Variants in NECTIN1 observed in about 807,000 individuals in gnomAD.
The protein encoded by NECTIN1 is nectin cell adhesion molecule 1, also known as nectin-1.
NECTIN1 carries 23 observed loss-of-function variants against 48.0 expected under a neutral mutation model. That is an observed-to-expected ratio of 0.48 (90% CI 0.34 to 0.68). NECTIN1 has a LOEUF of 0.68. Among genes scored for constraint, NECTIN1 ranks in the 30% least tolerant of loss-of-function variants. NECTIN1 has a pLI of 0.01. For missense variants in NECTIN1, 591 were observed against 709.9 expected (o/e 0.83, Z 1.90); for synonymous variants, 270 against 288.9 (o/e 0.93, Z 0.66).
chr11:119,658,290 C>T (rs1864608719), downstream of NECTIN1, among the ~76,000 whole-genome samples: 2 of 152,128 alleles, frequency 1.3e-5, no homozygotes, highest in African/African-American at 4.8e-5. Context: ...ACTGCAGCGC[C>T]TCATCTGGGA....
intron 5 of NECTIN1, among the ~76,000 whole-genome samples, chr11:119,666,674 C>A (rs1380843879): frequency 6.6e-6 from 1 of 152,250 alleles, no homozygotes; most frequent in Non-Finnish European, 1.5e-5. Flanking sequence ...GCTCCAGGCC[C>A]ACGTAAAGGG....
chr11:119,664,594 G>T lies in NECTIN1; in HGVS notation c.*153C>A. 1 of 1,440,700 alleles carries T rather than the reference G, an allele frequency of 6.9e-7. No individual in the cohort carries two copies. Among genetic ancestry groups the T allele is most frequent in the African/African-American group, 1.4e-5 (1 of 69,616 alleles). The allele number at this position is 1,440,700 out of a possible 1,614,324, so 89.2% of individuals were successfully genotyped here. A position where few individuals can be genotyped will look rare whatever the true frequency, so the allele number is the denominator to read the frequency against. On this transcript the variant is annotated 3_prime_UTR_variant, in exon 6 of 6. Coordinates refer to ENST00000264025, the MANE Select transcript of NECTIN1 (RefSeq NM_002855.5). Reference sequence around the variant, plus strand: ...CACAAAGCCAAGTCGTGGCTGCCCTGGGCTCCCCTGGCCCCCCAGGAGTTC... The same window carrying T: ...CACAAAGCCAAGTCGTGGCTGCCCTTGGCTCCCCTGGCCCCCCAGGAGTTC...
At position 119,728,604 on chromosome 11, in the gene NECTIN1, CA is replaced by C; in HGVS notation, c.-52del. On this transcript the variant is annotated 5_prime_UTR_variant, in exon 1 of 6. Coordinates refer to ENST00000264025, the MANE Select transcript of NECTIN1 (RefSeq NM_002855.5). ...GGCGGCGAGGGCAGCGCTCCTCGCG[CA>C]GCAGAAACCAGCCCGGAAGATGAGG... is the stretch of plus-strand genomic sequence containing the variant. 8.0e-7 allele frequency: 1 copy of C among 1,248,556 alleles called. No individual in the cohort carries two copies. Among genetic ancestry groups the C allele is most frequent in the Non-Finnish European group, 1.1e-6 (1 of 902,656 alleles). 77.3% of individuals were successfully genotyped at this position (1,248,556 alleles called of 1,614,324 possible).
chr11:119,718,694 G>T (rs1020504948), intron 1 of NECTIN1, among the ~76,000 whole-genome samples: 1 of 152,138 alleles, frequency 6.6e-6, no homozygotes, highest in African/African-American at 2.4e-5. Context: ...GTGTGAGGGG[G>T]CCCAAATGGT....
At chr11:119,639,133 G>T (rs958436503) in intron 6 of NECTIN1, among the ~76,000 whole-genome samples, 12 of 152,186 alleles carry the variant, frequency 7.9e-5, no homozygotes, top group Non-Finnish European at 1.8e-4. Flanking sequence ...CCTCACCCAG[G>T]GCGGGCATGA....
At chr11:119,689,672 T>C (rs1865218298) in intron 1 of NECTIN1, among the ~76,000 whole-genome samples, 1 of 152,210 alleles carries the variant, frequency 6.6e-6, no homozygotes, top group African/African-American at 2.4e-5. Flanking sequence ...CCGTGCGCAC[T>C]GCCAGAGCAG....
At chr11:119,715,256 C>T (rs147750816) in intron 1 of NECTIN1, among the ~76,000 whole-genome samples, 2 of 152,336 alleles carry the variant, frequency 1.3e-5, no homozygotes, top group African/African-American at 4.8e-5. Context: ...CTCCACCTTC[C>T]CCTGCAGGGC....
At chr11:119,638,310 A>G in intron 7 of NECTIN1, 2 of 1,593,298 alleles carry the variant, frequency 1.3e-6, no homozygotes, top group South Asian at 1.1e-5. Context: ...GGTGGCCCTC[A>G]TGGACTCCCA....
intron 1 of NECTIN1, among the ~76,000 whole-genome samples, chr11:119,710,516 C>A (rs144192231): frequency 1.4e-4 from 22 of 152,270 alleles, no homozygotes; most frequent in African/African-American, 5.3e-4. Flanking sequence ...TACGGTAGGA[C>A]TGTTCACAAA....
In NECTIN1 at chr11:119,676,791, G is replaced by A. The variant is rs1021975475; in HGVS notation, c.851+311C>T. The stretch of plus-strand genomic sequence containing the variant: ...TAAATACTGGGGGGTTGGGGTGGGA[G>A]TGACTCAGACTGAATCACCAAAGGA... On this transcript the variant is annotated intron_variant, in intron 4 of 5. Transcript: ENST00000264025. 4 of 422,334 alleles carry A rather than the reference G, an allele frequency of 9.5e-6. No individual in the cohort carries two copies. In the Admixed American group the frequency reaches 1.4e-4, roughly 15 times the overall value. 26.2% of individuals were successfully genotyped at this position (422,334 alleles called of 1,614,324 possible).
At chr11:119,639,256 G>C (rs1010237963) in intron 6 of NECTIN1, among the ~76,000 whole-genome samples, 1 of 152,104 alleles carries the variant, frequency 6.6e-6, no homozygotes, top group Non-Finnish European at 1.5e-5. Flanking sequence ...TGAACAAAAC[G>C]TCCACATTGT....
intron 6 of NECTIN1, among the ~76,000 whole-genome samples, chr11:119,639,146 C>A (rs148956724): frequency 2.0e-5 from 3 of 152,204 alleles, no homozygotes; most frequent in South Asian, 2.1e-4. Context: ...GGGCATGAGG[C>A]CTCAGGTGCA....
At chr11:119,710,996 G>T (rs1865633895) in intron 1 of NECTIN1, among the ~76,000 whole-genome samples, 1 of 151,668 alleles carries the variant, frequency 6.6e-6, no homozygotes, top group Non-Finnish European at 1.5e-5. Flanking sequence ...GGGAGGGGAG[G>T]TGTCAAGTAA....
At chr11:119,694,981 C>A (rs978081188) in intron 1 of NECTIN1, among the ~76,000 whole-genome samples, 1 of 152,240 alleles carries the variant, frequency 6.6e-6, no homozygotes, top group Admixed American at 6.5e-5. Flanking sequence ...CGGCTCCCTG[C>A]AACTCCACAG....
intron 5 of NECTIN1, among the ~76,000 whole-genome samples, chr11:119,644,336 T>G (rs10892424): frequency 0.86 from 131,504 of 152,176 alleles, 57,931 homozygotes; most frequent in South Asian, 0.99. Flanking sequence ...CCTCGTGGTT[T>G]GGGAGCCCGA....
At chr11:119,650,285 C>CGT (rs1864469495) in intron 5 of NECTIN1, among the ~76,000 whole-genome samples, 3 of 151,918 alleles carry the variant, frequency 2.0e-5, no homozygotes, top group African/African-American at 7.3e-5. Context: ...ATGGCTTAGC[C>CGT]TGGGCTCAGA....
intron 7 of NECTIN1, chr11:119,638,665 G>T (rs528025948): frequency 2.1e-6 from 3 of 1,421,960 alleles, no homozygotes; most frequent in Non-Finnish European, 2.9e-6. Flanking sequence ...CTCTCCTTGG[G>T]GCCATCTCCC....
At chr11:119,722,070 C>A (rs188186866) in intron 1 of NECTIN1, among the ~76,000 whole-genome samples, 1 of 152,322 alleles carries the variant, frequency 6.6e-6, no homozygotes, top group Non-Finnish European at 1.5e-5. Context: ...CTGTCCATTC[C>A]CGATCTTTTC....
chr11:119,686,773 G>A (rs529210475), intron 1 of NECTIN1, among the ~76,000 whole-genome samples: 1 of 152,148 alleles, frequency 6.6e-6, no homozygotes, highest in Admixed American at 6.5e-5. Context: ...GAGGCTTCCC[G>A]GAGCCCTCCT....
Sources: allele counts gnomAD v4.1 joint callset (sites outside exome capture counted in the v4.1 genomes callset), GRCh38; gene constraint gnomAD v4.1.1; transcripts MANE v1.5; gene names NCBI Gene and HGNC (gene_info 2026-07-23, HGNC 2026-07-21).